Variants in CDC42BPB observed in about 807,000 individuals in gnomAD.
The protein encoded by CDC42BPB is CDC42 binding protein kinase beta.
In CDC42BPB, 37 loss-of-function variants were observed where a neutral mutation model predicts 214.9. The observed-to-expected ratio is 0.17, with a 90% CI of 0.13 to 0.23. CDC42BPB has a LOEUF of 0.23. Among genes scored for constraint, CDC42BPB ranks in the 10% least tolerant of loss-of-function variants. The pLI, the probability that CDC42BPB is intolerant of heterozygous loss-of-function variation, is 1.00. For missense variants in CDC42BPB, 1,694 were observed against 2,227.0 expected (o/e 0.76, Z 4.82); for synonymous variants, 931 against 884.0 (o/e 1.05, Z -0.94).
At chr14:103,040,882 G>GT (rs1887951689) in intron 1 of CDC42BPB, among the ~76,000 whole-genome samples, 1 of 152,172 alleles carries the variant, frequency 6.6e-6, no homozygotes, top group African/African-American at 2.4e-5. Flanking sequence ...TGAAATCCTT[G>GT]TAAGAATCCC....
At chr14:103,009,713 GA>G (rs1237690811) in intron 2 of CDC42BPB, among the ~76,000 whole-genome samples, 3 of 152,152 alleles carry the variant, frequency 2.0e-5, no homozygotes, top group Non-Finnish European at 4.4e-5. Flanking sequence ...ATGCATTCTG[GA>G]AAGTCCTGCC....
In CDC42BPB at chr14:102,952,549, G is replaced by A. The variant is rs1258692571; in HGVS notation, c.3121C>T (p.His1041Tyr). Reference protein sequence around the residue: ...KSFSSPTQCSHCTSLMVGLIR... With the variant: ...KSFSSPTQCSYCTSLMVGLIR... Reference sequence around the variant, plus strand: ...AGCCCAACCATCAGGGAGGTGCAGTGGCTGCACTGAGTAGGGCTGGAGAAG... The same window carrying A: ...AGCCCAACCATCAGGGAGGTGCAGTAGCTGCACTGAGTAGGGCTGGAGAAG... The change falls in exon 24 of 37, where the codon CAC becomes TAC. Residue 1041 changes from histidine to tyrosine, a missense_variant. His to Tyr is a moderately conservative substitution (Grantham distance 83). Transcript: ENST00000361246. 2 of 1,614,006 alleles carry A rather than the reference G, an allele frequency of 1.2e-6. No individual in the cohort carries two copies. The highest frequency in any genetic ancestry group is 2.2e-5 in the East Asian group (1 of 44,882).
chr14:103,018,446 A>T (rs540702573), intron 1 of CDC42BPB, among the ~76,000 whole-genome samples: 2 of 152,312 alleles, frequency 1.3e-5, no homozygotes, highest in South Asian at 4.1e-4. Flanking sequence ...CACTGGATAC[A>T]GCCACCACCG....
intron 5 of CDC42BPB, among the ~76,000 whole-genome samples, chr14:102,989,456 T>C (rs1894393037): frequency 6.6e-6 from 1 of 152,264 alleles, no homozygotes; most frequent in Admixed American, 6.5e-5. Flanking sequence ...ACAAGGGTAT[T>C]TATTTCTACA....
intron 12 of CDC42BPB, among the ~76,000 whole-genome samples, chr14:102,973,787 G>A (rs1047843127): frequency 1.3e-5 from 2 of 152,216 alleles, no homozygotes; most frequent in South Asian, 2.1e-4. Flanking sequence ...GCAAGGGGGT[G>A]GAAGGCACCT....
At chr14:102,941,446 G>T in intron 30 of CDC42BPB, 3 of 985,452 alleles carry the variant, frequency 3.0e-6, no homozygotes, top group Non-Finnish European at 3.6e-6. Context: ...AAAGACAAAA[G>T]ATACTGGCCT....
intron 19 of CDC42BPB, among the ~76,000 whole-genome samples, chr14:102,964,220 C>A (rs959968625): frequency 6.6e-6 from 1 of 152,208 alleles, no homozygotes; most frequent in Non-Finnish European, 1.5e-5. Context: ...CGCTACCCAG[C>A]GTGGGGGCAC....
chr14:103,020,565 C>T (rs1196791758), intron 1 of CDC42BPB, among the ~76,000 whole-genome samples: 5 of 152,348 alleles, frequency 3.3e-5, no homozygotes, highest in Admixed American at 2.0e-4. Context: ...GGCACACTGA[C>T]GCGCTATGCA....
intron 1 of CDC42BPB, among the ~76,000 whole-genome samples, chr14:103,040,026 G>A (rs1324517298): frequency 1.3e-5 from 2 of 152,208 alleles, no homozygotes; most frequent in African/African-American, 4.8e-5. Context: ...CCTGCACTGT[G>A]AATTTAATTA....
rs1465024027 is a variant in CDC42BPB at position 102,947,800 on chromosome 14, T to C, written c.3452A>G (p.Asp1151Gly). Residue 1151 changes from aspartate (D) to glycine (G), a missense_variant and splice_region_variant, in exon 27 of 37, where the codon GAT becomes GGT. Coordinates refer to ENST00000361246, the MANE Select transcript of CDC42BPB (RefSeq NM_006035.4). Reference sequence around the variant, plus strand: ...GACTGAGCTCACGGAAAACTCGTCATCTCTGGTAAGGAAGAAACATTGACC... The same window carrying C: ...GACTGAGCTCACGGAAAACTCGTCACCTCTGGTAAGGAAGAAACATTGACC... ...VIASQVLDLR[D>G]DEFSVSSVLA... 1 of 1,612,386 alleles carries C rather than the reference T, an allele frequency of 6.2e-7. No homozygotes were observed. Among genetic ancestry groups the C allele is most frequent in the Non-Finnish European group, 8.5e-7 (1 of 1,179,856 alleles).
Position 103,001,086 on chromosome 14 carries a change from A to G in CDC42BPB, c.448-1373T>C, listed in dbSNP as rs1894957292. On this transcript the variant is annotated intron_variant, in intron 4 of 36. Transcript: ENST00000361246. This position sits in a 1 kb window ranked among gnomAD's most constrained non-coding sequence, Gnocchi z 5.8. The stretch of plus-strand genomic sequence containing the variant: ...TGCTCTCAACAGAATCTTTACCAGC[A>G]AACTCTCATCCCTTCCAAGCCTCTC... 6.6e-6 allele frequency among the ~76,000 whole-genome samples: 1 copy of G among 152,142 alleles called. No individual in the cohort carries two copies. Among genetic ancestry groups the G allele is most frequent in the Admixed American group, 6.5e-5 (1 of 15,274 alleles).
At chr14:103,014,239 A>C (rs1170402328) in intron 1 of CDC42BPB, among the ~76,000 whole-genome samples, 1 of 151,124 alleles carries the variant, frequency 6.6e-6, no homozygotes, top group East Asian at 1.9e-4. Context: ...AGCACAAGGC[A>C]AGGCCAGGAC....
intron 4 of CDC42BPB, among the ~76,000 whole-genome samples, chr14:103,000,896 G>A (rs1050066927): frequency 2.2e-4 from 33 of 152,260 alleles, no homozygotes; most frequent in African/African-American, 7.7e-4. Flanking sequence ...AGCAAGCAAG[G>A]ACAGAGCAAA....
chr14:102,942,155 G>A (rs544762492), intron 30 of CDC42BPB, among the ~76,000 whole-genome samples: 18 of 152,350 alleles, frequency 1.2e-4, no homozygotes, highest in Admixed American at 5.2e-4. Context: ...AAGAGTCCAG[G>A]ACAAGGGGTG....
intron 30 of CDC42BPB, 188 bp from the exon 31 acceptor site, chr14:102,940,512 C>T: frequency 9.2e-6 from 13 of 1,419,402 alleles, no homozygotes; most frequent in Non-Finnish European, 1.2e-5. Context: ...TTTAAACAAA[C>T]ACAATCCAAT....
chr14:102,960,774 T>C (rs1892922173), intron 20 of CDC42BPB, among the ~76,000 whole-genome samples: 1 of 152,160 alleles, frequency 6.6e-6, no homozygotes, highest in African/African-American at 2.4e-5. Flanking sequence ...TAACTGGTAT[T>C]GGACAACCAG....
chr14:103,001,455 C>T lies in CDC42BPB; in HGVS notation c.448-1742G>A, dbSNP rs891821489. 6.6e-6 allele frequency among the ~76,000 whole-genome samples: 1 copy of T among 152,128 alleles called. No homozygotes were observed. The highest frequency in any genetic ancestry group is 1.5e-5 in the Non-Finnish European group (1 of 68,014). On this transcript the variant is annotated intron_variant, in intron 4 of 36. Coordinates refer to ENST00000361246, the MANE Select transcript of CDC42BPB (RefSeq NM_006035.4). The surrounding 1 kb of genome is among the most constrained non-coding windows in gnomAD (Gnocchi z 5.8). Reference sequence around the variant, plus strand: ...TGCCAAGCAGAGGCCTGAGGGGAGCCGCGGTCGTGCTCCAGATGAAGGGGT... The same window carrying T: ...TGCCAAGCAGAGGCCTGAGGGGAGCTGCGGTCGTGCTCCAGATGAAGGGGT...
intron 1 of CDC42BPB, among the ~76,000 whole-genome samples, chr14:103,030,704 G>T (rs1887321745): frequency 6.6e-6 from 1 of 150,456 alleles, no homozygotes; most frequent in African/African-American, 2.5e-5. Context: ...TCAAAAAAAA[G>T]TGTTCAGGGC....
intron 1 of CDC42BPB, among the ~76,000 whole-genome samples, chr14:103,052,963 C>T (rs568117054): frequency 6.6e-5 from 10 of 152,300 alleles, no homozygotes; most frequent in Admixed American, 5.2e-4. Flanking sequence ...CTGGGTTGTC[C>T]GTATTTGTTG....
Sources: allele counts gnomAD v4.1 joint callset (sites outside exome capture counted in the v4.1 genomes callset), GRCh38; gene constraint gnomAD v4.1.1; non-coding constraint Gnocchi (gnomAD v3.1); transcripts MANE v1.5; gene names NCBI Gene and HGNC (gene_info 2026-07-23, HGNC 2026-07-21).